ATP11A: variants seen among roughly 807,000 people sequenced by gnomAD.
ATP11A encodes the protein ATPase phospholipid transporting 11A, also known as phospholipid-transporting ATPase IH.
ATP11A carries 81 observed loss-of-function variants against 154.4 expected under a neutral mutation model. The observed-to-expected ratio is 0.52, with a 90% CI of 0.44 to 0.63. The LOEUF (loss-of-function observed/expected upper bound fraction) is 0.63, where lower values mean the gene tolerates loss of function less well. ATP11A is among the 30% of genes least tolerant of loss of function. The pLI is 0.00. For missense variants in ATP11A, 1,316 were observed against 1,474.3 expected (o/e 0.89, Z 1.76); for synonymous variants, 623 against 585.9 (o/e 1.06, Z -0.91).
intron 1 of ATP11A, among the ~76,000 whole-genome samples, chr13:112,767,989 A>C (rs2077136882): frequency 6.6e-6 from 1 of 152,114 alleles, no homozygotes. Context: ...TTCTCTGGTC[A>C]CTGCTCTCTG....
chr13:112,841,323 C>T (rs1456841772), intron 16 of ATP11A, among the ~76,000 whole-genome samples: 2 of 138,962 alleles, frequency 1.4e-5, no homozygotes, highest in Admixed American at 7.3e-5. Flanking sequence ...CGTGGCTTCG[C>T]GGACCAGGGA....
rs1356283193 is a variant in ATP11A at position 112,881,565 on chromosome 13, G to C, written c.*10-311G>C. 11 of 1,156,574 alleles carry C rather than the reference G, an allele frequency of 9.5e-6. No individual in the cohort carries two copies. In the Admixed American group the frequency reaches 3.9e-4, roughly 42 times the overall value. The allele number at this position is 1,156,574 out of a possible 1,614,324, so 71.6% of individuals were successfully genotyped here. ...TCTTCCCTGGGATGGTGGGACAGGGGGACGGTCACTCTGTTGGTACTGAAA... is the reference window on the plus strand; with the variant it reads ...TCTTCCCTGGGATGGTGGGACAGGGCGACGGTCACTCTGTTGGTACTGAAA... On this transcript the variant is annotated intron_variant, in intron 29 of 29. Transcript: ENST00000375645.
chr13:112,836,756 T>C (rs954689109), intron 16 of ATP11A, among the ~76,000 whole-genome samples: 1 of 152,248 alleles, frequency 6.6e-6, no homozygotes, highest in Non-Finnish European at 1.5e-5. Context: ...CGGTTCGTGC[T>C]CCGGAATGCT....
intron 2 of ATP11A, among the ~76,000 whole-genome samples, chr13:112,790,736 C>G (rs2077829643): frequency 6.6e-6 from 1 of 152,076 alleles, no homozygotes; most frequent in South Asian, 2.1e-4. Flanking sequence ...AATTCACACT[C>G]AAGCATCCTG....
intron 1 of ATP11A, among the ~76,000 whole-genome samples, chr13:112,731,938 G>A (rs914312733): frequency 2.4e-5 from 2 of 82,062 alleles, no homozygotes; most frequent in Middle Eastern, 4.8e-3. Context: ...AAATGGGGGC[G>A]GGGGGGGGCA....
rs751537379 is a variant in ATP11A, at chr13:112,823,348, C to G, written c.729C>G (p.Pro243=). 4.2e-5 allele frequency: 67 copies of G among 1,613,550 alleles called. No homozygotes were observed. The South Asian group carries it at 7.1e-4, about 17-fold the overall frequency. ...YSDLNDPVVR[P]LGSENLLLRG... ...TCTGATCATCGTATCTTTACAGGCC[C>G]TTAGGATCGGAAAACCTGCTGCTTA... Residue 243 remains proline, a synonymous_variant, in exon 9 of 30, where the codon CCC becomes CCG. Coordinates refer to ENST00000375645, the MANE Select transcript of ATP11A (RefSeq NM_015205.3).
At chr13:112,740,247 T>A (rs1272027026) in intron 1 of ATP11A, among the ~76,000 whole-genome samples, 2 of 152,046 alleles carry the variant, frequency 1.3e-5, no homozygotes, top group Admixed American at 6.6e-5. Context: ...TGGTGCTATC[T>A]CGGCTCATTG....
Position 112,855,914 on chromosome 13 carries a change from T to C in ATP11A, c.2247T>C (p.Leu749=). 6.2e-7 allele frequency: 1 copy of C among 1,608,942 alleles called. No individual in the cohort carries two copies. The highest frequency in any genetic ancestry group is 8.5e-7 in the Non-Finnish European group (1 of 1,176,654). Residue 749 remains leucine, a synonymous_variant, in exon 20 of 30, where the codon CTT becomes CTC. Transcript: ENST00000375645. ...TCTGACTCACGTACTCTAACAGACT[T>C]TCAGCAGATATGCAGGACTACGGTT... The part of the protein sequence containing the change: ...GSLTRDNLSG[L]SADMQDYGLI...
At chr13:112,855,844 A>C in intron 19 of ATP11A, 67 bp from the exon 20 acceptor site, 1 of 1,444,602 alleles carries the variant, frequency 6.9e-7, no homozygotes, top group Non-Finnish European at 9.3e-7. Flanking sequence ...ATCCAAAAAC[A>C]ATACAGTCTT....
Position 112,875,452 on chromosome 13 carries a change from A to G in ATP11A, c.3162-324A>G, listed in dbSNP as rs1231542873. On this transcript the variant is annotated intron_variant, in intron 27 of 29. Transcript: ENST00000375645. This position sits in a 1 kb window ranked among gnomAD's most constrained non-coding sequence, Gnocchi z 4.1. Reference sequence around the variant, plus strand: ...CTTCCCATCCGAGACTTCAAGATAGAAAAACATCCCTATTTCAATCCCTTT... The same window carrying G: ...CTTCCCATCCGAGACTTCAAGATAGGAAAACATCCCTATTTCAATCCCTTT... Among the ~76,000 whole-genome samples, 3 of 151,348 alleles carry G rather than the reference A, an allele frequency of 2.0e-5. No homozygotes were observed. The highest frequency in any genetic ancestry group is 4.4e-5 in the Non-Finnish European group (3 of 67,904).
At chr13:112,767,951 C>T (rs2077136049) in intron 1 of ATP11A, among the ~76,000 whole-genome samples, 1 of 152,138 alleles carries the variant, frequency 6.6e-6, no homozygotes, top group Non-Finnish European at 1.5e-5. Flanking sequence ...CCTCACTTCC[C>T]CACCAAGCGC....
intron 1 of ATP11A, among the ~76,000 whole-genome samples, chr13:112,744,987 G>A (rs946861676): frequency 1.3e-5 from 2 of 152,172 alleles, no homozygotes; most frequent in Non-Finnish European, 2.9e-5. Flanking sequence ...AAAATGTGAG[G>A]ATTTTACTGA....
At chr13:112,802,988 C>T (rs779347020) in intron 2 of ATP11A, among the ~76,000 whole-genome samples, 4 of 152,160 alleles carry the variant, frequency 2.6e-5, no homozygotes, top group Non-Finnish European at 5.9e-5. Flanking sequence ...CAGAGACTCT[C>T]TTCTGGAGCT....
chr13:112,860,227 G>T (rs2080061583), intron 23 of ATP11A, 60 bp from the exon 24 acceptor site: 2 of 1,558,488 alleles, frequency 1.3e-6, no homozygotes, highest in African/African-American at 1.4e-5. Flanking sequence ...TTAATCAAAA[G>T]ATCCAAAAAG....
chr13:112,855,594 G>C (rs1005285019), intron 19 of ATP11A, among the ~76,000 whole-genome samples: 4 of 152,208 alleles, frequency 2.6e-5, no homozygotes, highest in South Asian at 2.1e-4. Flanking sequence ...AGAAGGTTGA[G>C]AGTAAAGACC....
chr13:112,734,544 C>T (rs1251402963), intron 1 of ATP11A, among the ~76,000 whole-genome samples: 1 of 152,130 alleles, frequency 6.6e-6, no homozygotes, highest in East Asian at 1.9e-4. Flanking sequence ...GAACTGCAGG[C>T]TGCCCGGAGA....
intron 1 of ATP11A, among the ~76,000 whole-genome samples, chr13:112,743,072 C>T (rs1014745291): frequency 6.6e-6 from 1 of 152,118 alleles, no homozygotes; most frequent in Non-Finnish European, 1.5e-5. Context: ...TATGGAGAGG[C>T]GAAGTCGTTA....
intron 1 of ATP11A, among the ~76,000 whole-genome samples, chr13:112,744,154 C>G (rs1012495482): frequency 6.6e-6 from 1 of 152,194 alleles, no homozygotes; most frequent in African/African-American, 2.4e-5. Context: ...AACAAGAAGG[C>G]AGGAGAATGT....
rs1037562353 is a variant in ATP11A at position 112,886,887 on chromosome 13, A to G, written c.*5021A>G. 10 of 152,370 alleles carry G rather than the reference A, an allele frequency of 6.6e-5. No homozygotes were observed. The highest frequency in any genetic ancestry group is 1.0e-4 in the Non-Finnish European group (7 of 68,046). The allele number at this position is 152,370 out of a possible 1,614,324, so 9.4% of individuals were successfully genotyped here. The stretch of plus-strand genomic sequence containing the variant: ...TACTGGAGTTTATTTTTAAATTATT[A>G]AACATAGTAGGTGCATTAACATAAA... On this transcript the variant is annotated 3_prime_UTR_variant, in exon 30 of 30. Transcript: ENST00000375645.
Sources: allele counts gnomAD v4.1 joint callset (sites outside exome capture counted in the v4.1 genomes callset), GRCh38; gene constraint gnomAD v4.1.1; non-coding constraint Gnocchi (gnomAD v3.1); transcripts MANE v1.5; gene names NCBI Gene and HGNC (gene_info 2026-07-23, HGNC 2026-07-21).